Variants in PPM1H observed in about 807,000 individuals in gnomAD.
PPM1H encodes the protein protein phosphatase, Mg2+/Mn2+ dependent 1H.
In PPM1H, 27 loss-of-function variants were observed where a neutral mutation model predicts 54.9. The observed-to-expected ratio is 0.49, with a 90% CI of 0.36 to 0.68. PPM1H has a LOEUF of 0.68. Ranked by LOEUF, PPM1H falls within the 30% of genes least tolerant of loss-of-function variation. The pLI is 0.00. For synonymous variants in PPM1H, 305 were observed against 270.8 expected (o/e 1.13, Z -1.24); for missense variants, 596 against 667.8 (o/e 0.89, Z 1.19).
Position 62,737,601 on chromosome 12 carries a change from A to G in PPM1H, c.870-15T>C, listed in dbSNP as rs189414224. 4 of 1,504,070 alleles carry G rather than the reference A, an allele frequency of 2.7e-6. No homozygotes were observed. In the African/African-American group the frequency reaches 4.2e-5, roughly 16 times the overall value. The allele number at this position is 1,504,070 out of a possible 1,614,324, so 93.2% of individuals were successfully genotyped here. On this transcript the variant is annotated splice_polypyrimidine_tract_variant and intron_variant, in intron 4 of 9. Transcript: ENST00000228705. ...TGATTATGGCCCTGAAATGGTGAAA[A>G]TGCATTGTCAGTAGCCAATCTCATA...
chr12:62,727,558 A>C (rs2076296637), intron 5 of PPM1H, among the ~76,000 whole-genome samples: 1 of 151,704 alleles, frequency 6.6e-6, no homozygotes, highest in Admixed American at 6.6e-5. Flanking sequence ...AGAATACCTA[A>C]ATAATAATGC....
At chr12:62,898,125 C>T (rs1365678166) in intron 1 of PPM1H, among the ~76,000 whole-genome samples, 1 of 152,160 alleles carries the variant, frequency 6.6e-6, no homozygotes, top group Non-Finnish European at 1.5e-5. Context: ...ACATAATCAT[C>T]CTTAAATGGT....
chr12:62,887,084 C>T (rs1177488873), intron 1 of PPM1H, among the ~76,000 whole-genome samples: 1 of 152,168 alleles, frequency 6.6e-6, no homozygotes, highest in Admixed American at 6.5e-5. Flanking sequence ...TATACAAGGA[C>T]TCCGGCCAGT....
Position 62,844,463 on chromosome 12 carries a change from C to T in PPM1H, c.246-12184G>A, listed in dbSNP as rs1004044081. 2.0e-5 allele frequency among the ~76,000 whole-genome samples: 3 copies of T among 152,182 alleles called. No individual in the cohort carries two copies. Among genetic ancestry groups the T allele is most frequent in the Non-Finnish European group, 2.9e-5 (2 of 68,028 alleles). On this transcript the variant is annotated intron_variant, in intron 1 of 9. Coordinates refer to ENST00000228705, the MANE Select transcript of PPM1H (RefSeq NM_020700.2). The surrounding 1 kb of genome is among the most constrained non-coding windows in gnomAD (Gnocchi z 5.2). ...GCAACTGCATGCTACATGATTCAGG[C>T]TACGTAGCCACATTCCCCTCAAGGC...
intron 8 of PPM1H, among the ~76,000 whole-genome samples, chr12:62,670,351 T>C (rs1003584031): frequency 3.3e-5 from 5 of 152,164 alleles, no homozygotes; most frequent in African/African-American, 7.2e-5. Context: ...ATAGACAATA[T>C]TGAGTCATAA....
intron 1 of PPM1H, among the ~76,000 whole-genome samples, chr12:62,873,046 C>CA (rs972694762): frequency 6.6e-6 from 1 of 151,954 alleles, no homozygotes; most frequent in Non-Finnish European, 1.5e-5. Flanking sequence ...AATAAGGAAG[C>CA]AAAAAAACAG....
At chr12:62,775,340 T>G (rs1489976353) in intron 4 of PPM1H, among the ~76,000 whole-genome samples, 2 of 152,186 alleles carry the variant, frequency 1.3e-5, no homozygotes. Flanking sequence ...AGGTGCCACC[T>G]TGGGAAAAGG....
At chr12:62,910,135 G>A (rs1375743096) in intron 1 of PPM1H, among the ~76,000 whole-genome samples, 3 of 152,164 alleles carry the variant, frequency 2.0e-5, no homozygotes, top group African/African-American at 4.8e-5. Context: ...GCCTGGAGTG[G>A]AGAAGAAACA....
intron 1 of PPM1H, among the ~76,000 whole-genome samples, chr12:62,851,056 G>A (rs994683469): frequency 4.6e-5 from 7 of 152,102 alleles, no homozygotes; most frequent in African/African-American, 7.2e-5. Flanking sequence ...TTTTAATGCT[G>A]TCTACTCAAA....
intron 4 of PPM1H, among the ~76,000 whole-genome samples, chr12:62,762,088 T>C (rs2076512675): frequency 6.6e-6 from 1 of 152,212 alleles, no homozygotes; most frequent in South Asian, 2.1e-4. Context: ...GTCCCTGTTT[T>C]AGAGAATCTG....
chr12:62,810,868 C>T (rs907577505), intron 2 of PPM1H, among the ~76,000 whole-genome samples: 5 of 152,190 alleles, frequency 3.3e-5, no homozygotes, highest in African/African-American at 1.2e-4. Context: ...GTGGCACAGA[C>T]AGTAAGATTA....
chr12:62,776,375 A>C (rs1357376082), intron 4 of PPM1H, among the ~76,000 whole-genome samples: 2 of 152,162 alleles, frequency 1.3e-5, no homozygotes, highest in African/African-American at 4.8e-5. Context: ...GTTTCTCTTT[A>C]GAAATTATTA....
intron 1 of PPM1H, chr12:62,933,851 A>G (rs1872230619): frequency 6.6e-6 from 1 of 152,174 alleles, no homozygotes; most frequent in Non-Finnish European, 1.5e-5. Flanking sequence ...AGACAGTTGG[A>G]ATAAGTTTCC....
At chr12:62,900,973 C>CT (rs1406675550) in intron 1 of PPM1H, among the ~76,000 whole-genome samples, 6 of 152,330 alleles carry the variant, frequency 3.9e-5, no homozygotes, top group Admixed American at 1.3e-4. Flanking sequence ...ATCTCACCCT[C>CT]TCTAAACTCT....
chr12:62,758,629 C>A (rs1403857239), intron 4 of PPM1H, among the ~76,000 whole-genome samples: 1 of 152,046 alleles, frequency 6.6e-6, no homozygotes, highest in African/African-American at 2.4e-5. Context: ...ATCTCACTCT[C>A]CACACTGGCT....
chr12:62,917,293 G>C (rs1871655067), intron 1 of PPM1H, among the ~76,000 whole-genome samples: 1 of 152,356 alleles, frequency 6.6e-6, no homozygotes, highest in African/African-American at 2.4e-5. Flanking sequence ...AATTCTGACA[G>C]CCATGTAGAT....
intron 4 of PPM1H, among the ~76,000 whole-genome samples, chr12:62,768,581 G>A (rs1433179472): frequency 3.3e-5 from 5 of 152,076 alleles, no homozygotes; most frequent in African/African-American, 1.2e-4. Flanking sequence ...CTTGAACCCA[G>A]GAGGTGGAGG....
chr12:62,830,095 TG>T (rs1416570037), intron 2 of PPM1H, among the ~76,000 whole-genome samples: 1 of 152,228 alleles, frequency 6.6e-6, no homozygotes, highest in Admixed American at 6.5e-5. Context: ...AATAACGAAG[TG>T]GGACTAACCT....
intron 1 of PPM1H, among the ~76,000 whole-genome samples, chr12:62,887,694 GAAGAC>G (rs1367670728): frequency 1.3e-5 from 2 of 152,158 alleles, no homozygotes; most frequent in Admixed American, 6.5e-5. Flanking sequence ...TATGCACAGG[GAAGAC>G]AAGGAGGAAG....
Sources: gnomAD v4.1 joint callset for allele counts (sites outside exome capture counted in the v4.1 genomes callset) on GRCh38, gnomAD v4.1.1 for gene constraint, Gnocchi (gnomAD v3.1) non-coding constraint, MANE v1.5 for transcripts, NCBI Gene and HGNC (gene_info 2026-07-23, HGNC 2026-07-21) for gene names.